The following LRP1B variants were observed in gnomAD, a reference collection of about 807,000 sequenced individuals.
LRP1B encodes LDL receptor related protein 1B.
A neutral mutation model predicts 556.6 loss-of-function variants in LRP1B; 217 were observed. The observed-to-expected ratio is 0.39, with a 90% CI of 0.35 to 0.44. LRP1B has a LOEUF of 0.44. Ranked by LOEUF, LRP1B falls within the 20% of genes least tolerant of loss-of-function variation. The probability of loss-of-function intolerance (pLI) is 1.00; values close to 1 mark genes in which losing one functional copy is unlikely to be tolerated. For synonymous variants in LRP1B, 2,047 were observed against 1,865.8 expected, an observed-to-expected ratio of 1.10 and a Z score of -2.50; for missense variants, 5,053 against 5,620.8, an observed-to-expected ratio of 0.90 and a Z score of 3.23.
intron 35 of LRP1B, among the ~76,000 whole-genome samples, chr2:140,723,126 G>A (rs754733172): frequency 1.3e-5 from 2 of 152,158 alleles, no homozygotes; most frequent in Non-Finnish European, 2.9e-5. Flanking sequence ...GAGTGTTTGA[G>A]AGAGGAAAAT....
chr2:140,981,616 G>A (rs1340150086), intron 18 of LRP1B, among the ~76,000 whole-genome samples: 1 of 152,072 alleles, frequency 6.6e-6, no homozygotes, highest in Non-Finnish European at 1.5e-5. Flanking sequence ...TATTGAAAGT[G>A]GGAATTTTGC....
intron 83 of LRP1B, among the ~76,000 whole-genome samples, chr2:140,303,413 A>T (rs1158071721): frequency 1.3e-5 from 2 of 151,276 alleles, no homozygotes; most frequent in African/African-American, 4.9e-5. Flanking sequence ...ATGCCTGGCT[A>T]TTTTTTTGTA....
chr2:140,393,058 T>C (rs1684093041), intron 66 of LRP1B, among the ~76,000 whole-genome samples: 1 of 152,004 alleles, frequency 6.6e-6, no homozygotes, highest in African/African-American at 2.4e-5. Flanking sequence ...GCTTCCCAAG[T>C]AGCCTGGACT....
intron 14 of LRP1B, among the ~76,000 whole-genome samples, chr2:141,009,909 T>G (rs1343470970): frequency 6.6e-5 from 10 of 152,058 alleles, no homozygotes; most frequent in African/African-American, 2.2e-4. Flanking sequence ...GTCAAACAGA[T>G]CTGAATCTGA....
At chr2:141,156,116 T>C (rs80255369) in intron 7 of LRP1B, among the ~76,000 whole-genome samples, 4,334 of 152,182 alleles carry the variant, frequency 0.028, 81 homozygotes, top group East Asian at 0.063. Flanking sequence ...CCTACATATC[T>C]CACCAGAACT....
intron 41 of LRP1B, among the ~76,000 whole-genome samples, chr2:140,621,211 C>T (rs1683438310): frequency 6.6e-6 from 1 of 150,912 alleles, no homozygotes; most frequent in Admixed American, 6.6e-5. Context: ...GAAACCCCAT[C>T]TCTACTAAAA....
chr2:141,854,436 C>T (rs1457132935), intron 1 of LRP1B, among the ~76,000 whole-genome samples: 3 of 151,974 alleles, frequency 2.0e-5, no homozygotes, highest in African/African-American at 7.2e-5. Flanking sequence ...CAATAAACGG[C>T]ATTGCAAAGT....
At chr2:140,266,129 CTACT>C (rs1479054612) in intron 86 of LRP1B, among the ~76,000 whole-genome samples, 1 of 151,298 alleles carries the variant, frequency 6.6e-6, no homozygotes, top group African/African-American at 2.5e-5. Flanking sequence ...CCTCTAGATC[CTACT>C]TACTGTTTTT....
At chr2:141,999,443 T>A (rs1702594060) in intron 1 of LRP1B, among the ~76,000 whole-genome samples, 1 of 152,136 alleles carries the variant, frequency 6.6e-6, no homozygotes, top group Admixed American at 6.6e-5. Flanking sequence ...AGGAGCAATG[T>A]AAATTAAATA....
At chr2:141,280,302 C>T (rs934848847) in intron 3 of LRP1B, among the ~76,000 whole-genome samples, 1 of 151,976 alleles carries the variant, frequency 6.6e-6, no homozygotes, top group African/African-American at 2.4e-5. Context: ...GTTTCATGTA[C>T]ACACATAAGA....
At chr2:141,435,581 C>T (rs554861924) in intron 3 of LRP1B, among the ~76,000 whole-genome samples, 1 of 152,294 alleles carries the variant, frequency 6.6e-6, no homozygotes, top group East Asian at 1.9e-4. Flanking sequence ...CAGGCATAAC[C>T]ACCACACCCT....
chr2:140,742,957 C>T (rs1441452), intron 35 of LRP1B, among the ~76,000 whole-genome samples: 69,585 of 151,784 alleles, frequency 0.46, 17,319 homozygotes, highest in Non-Finnish European at 0.57. Flanking sequence ...CCAGCATTAC[C>T]ACTGGGGGAA....
intron 1 of LRP1B, among the ~76,000 whole-genome samples, chr2:142,044,824 G>T (rs778532120): frequency 6.6e-6 from 1 of 151,566 alleles, no homozygotes; most frequent in Non-Finnish European, 1.5e-5. Flanking sequence ...AGTTACAGAG[G>T]ATAAAATACC....
chr2:140,754,442 C>T (rs564848965), intron 35 of LRP1B, among the ~76,000 whole-genome samples: 1 of 152,166 alleles, frequency 6.6e-6, no homozygotes, highest in Non-Finnish European at 1.5e-5. Flanking sequence ...ACGAAAGGAT[C>T]AAACTCAATA....
At chr2:140,945,927 C>A (rs1276021554) in intron 20 of LRP1B, among the ~76,000 whole-genome samples, 1 of 152,096 alleles carries the variant, frequency 6.6e-6, no homozygotes, top group African/African-American at 2.4e-5. Flanking sequence ...AGACAACCTG[C>A]AGAATGGGGG....
At chr2:140,560,698 T>A (rs1197454741) in intron 43 of LRP1B, among the ~76,000 whole-genome samples, 1 of 152,218 alleles carries the variant, frequency 6.6e-6, no homozygotes, top group Non-Finnish European at 1.5e-5. Flanking sequence ...AATTCTACCC[T>A]GACTTATCTA....
At chr2:140,865,616 A>G (rs570252408) in intron 27 of LRP1B, among the ~76,000 whole-genome samples, 1 of 152,162 alleles carries the variant, frequency 6.6e-6, no homozygotes, top group East Asian at 1.9e-4. Flanking sequence ...GGAAAGGTAG[A>G]ATGTTCTCTG....
intron 43 of LRP1B, among the ~76,000 whole-genome samples, chr2:140,550,844 G>A (rs562637507): frequency 1.3e-5 from 2 of 152,174 alleles, no homozygotes; most frequent in African/African-American, 2.4e-5. Context: ...TCCCCTTCCC[G>A]CAAATTCAGG....
intron 3 of LRP1B, among the ~76,000 whole-genome samples, chr2:141,341,286 T>C (rs776238992): frequency 6.6e-6 from 1 of 152,218 alleles, no homozygotes; most frequent in African/African-American, 2.4e-5. Flanking sequence ...TACCCATGTA[T>C]GGAATTCTCA....
Sources: allele counts gnomAD v4.1 joint callset (sites outside exome capture counted in the v4.1 genomes callset), GRCh38; gene constraint gnomAD v4.1.1; transcripts MANE v1.5; gene names NCBI Gene and HGNC (gene_info 2026-07-23, HGNC 2026-07-21).